Variants in RAB38 observed in about 807,000 individuals in gnomAD.
The protein encoded by RAB38 is RAB38, member RAS oncogene family, also known as ras-related protein Rab-38.
A neutral mutation model predicts 18.4 loss-of-function variants in RAB38; 15 were observed. The observed-to-expected ratio is 0.82, with a 90% CI of 0.55 to 1.26. The LOEUF (loss-of-function observed/expected upper bound fraction) is 1.26. Among genes scored for constraint, RAB38 ranks in the 50% most tolerant of loss-of-function variants. The pLI is 0.00. For synonymous variants in RAB38, 101 were observed against 104.4 expected, an observed-to-expected ratio of 0.97 and a Z score of 0.20; for missense variants, 294 against 267.4, an observed-to-expected ratio of 1.10 and a Z score of -0.69.
chr11:88,105,156 ATACACCTTCCTCTAT>A, the RAB38 span, among the ~76,000 whole-genome samples: 2 of 152,144 alleles, frequency 1.3e-5, no homozygotes, highest in Non-Finnish European at 2.9e-5. Flanking sequence ...ATAAATTAAT[ATACACCTTCCTCTAT>A]TACACCTTCC....
At chr11:87,820,320 T>C in the RAB38 span, among the ~76,000 whole-genome samples, 1 of 152,188 alleles carries the variant, frequency 6.6e-6, no homozygotes, top group African/African-American at 2.4e-5. Context: ...TAAGGACCTC[T>C]TCAATATAAG....
chr11:87,949,214 TTCTG>T, the RAB38 span, among the ~76,000 whole-genome samples: 1 of 152,214 alleles, frequency 6.6e-6, no homozygotes, highest in Non-Finnish European at 1.5e-5. Flanking sequence ...TAGTTTGTAT[TTCTG>T]TGGGATAGGT....
chr11:88,073,688 T>C, the RAB38 span, among the ~76,000 whole-genome samples: 98 of 151,746 alleles, frequency 6.5e-4, 1 homozygote, highest in Non-Finnish European at 1.0e-3. Context: ...AAGGAACCAA[T>C]GACTGACCCT....
chr11:88,045,511 G>A, the RAB38 span, among the ~76,000 whole-genome samples: 5 of 152,308 alleles, frequency 3.3e-5, no homozygotes, highest in African/African-American at 7.2e-5. Flanking sequence ...CCCGCAGCCC[G>A]GGATTCCTCC....
At chr11:87,914,846 C>T in the RAB38 span, among the ~76,000 whole-genome samples, 1 of 152,256 alleles carries the variant, frequency 6.6e-6, no homozygotes, top group Non-Finnish European at 1.5e-5. Flanking sequence ...TCCAGTGGCC[C>T]CAAGTGTGAC....
At chr11:88,168,966 T>C (rs1224997862) in intron 1 of RAB38, among the ~76,000 whole-genome samples, 3 of 152,186 alleles carry the variant, frequency 2.0e-5, no homozygotes, top group Admixed American at 6.5e-5. Context: ...GTGTAATCTA[T>C]AGCCAATAGA....
the RAB38 span, among the ~76,000 whole-genome samples, chr11:87,959,884 C>A: frequency 6.6e-6 from 1 of 152,100 alleles, no homozygotes; most frequent in Middle Eastern, 3.2e-3. Context: ...GAGCCACAAA[C>A]TTACTCTGGG....
chr11:88,081,089 C>T, the RAB38 span, among the ~76,000 whole-genome samples: 1 of 151,644 alleles, frequency 6.6e-6, no homozygotes, highest in African/African-American at 2.4e-5. Context: ...AACACCACTA[C>T]ACATTAACTA....
At chr11:87,829,145 A>G in the RAB38 span, among the ~76,000 whole-genome samples, 1 of 152,356 alleles carries the variant, frequency 6.6e-6, no homozygotes, top group East Asian at 1.9e-4. Context: ...AGGAGTTGGT[A>G]TTTCTTAAGA....
the RAB38 span, among the ~76,000 whole-genome samples, chr11:87,834,713 G>A: frequency 3.3e-5 from 5 of 152,274 alleles, no homozygotes; most frequent in Admixed American, 3.3e-4. Flanking sequence ...TCAGTTTAGA[G>A]CTCATTGACA....
chr11:87,827,384 A>G, the RAB38 span, among the ~76,000 whole-genome samples: 1 of 151,908 alleles, frequency 6.6e-6, no homozygotes, highest in Non-Finnish European at 1.5e-5. Context: ...CTTTATTGGA[A>G]AGTTTTAAAG....
chr11:88,096,906 A>AG, the RAB38 span, among the ~76,000 whole-genome samples: 5 of 151,796 alleles, frequency 3.3e-5, no homozygotes, highest in Admixed American at 2.6e-4. Context: ...GGAAGGGGCG[A>AG]GGGGGGACTC....
At chr11:87,962,506 G>A in the RAB38 span, among the ~76,000 whole-genome samples, 5 of 145,838 alleles carry the variant, frequency 3.4e-5, no homozygotes, top group African/African-American at 1.2e-4. Context: ...GGGGGCAGGG[G>A]GCAGGGGGGA....
chr11:88,085,540 T>C, the RAB38 span, among the ~76,000 whole-genome samples: 2 of 152,040 alleles, frequency 1.3e-5, no homozygotes, highest in South Asian at 4.1e-4. Context: ...AATATTATGA[T>C]ATGGCCTGAG....
At chr11:87,920,664 G>C in the RAB38 span, among the ~76,000 whole-genome samples, 1 of 151,962 alleles carries the variant, frequency 6.6e-6, no homozygotes. Context: ...TTGGTCTAAA[G>C]TACAGTTTAA....
intron 2 of RAB38, among the ~76,000 whole-genome samples, chr11:88,139,818 T>C (rs980770651): frequency 6.6e-6 from 1 of 152,190 alleles, no homozygotes; most frequent in South Asian, 2.1e-4. Context: ...ATGGAATAGA[T>C]AGAGTGCTAG....
the RAB38 span, among the ~76,000 whole-genome samples, chr11:88,009,547 A>T: frequency 1.1e-4 from 16 of 150,368 alleles, no homozygotes; most frequent in African/African-American, 4.0e-4. Context: ...TTGTAACATG[A>T]TGATAGAGGA....
chr11:87,955,872 TGCACACACAC>T, the RAB38 span, among the ~76,000 whole-genome samples: 4 of 44,276 alleles, frequency 9.0e-5, no homozygotes, highest in Non-Finnish European at 1.9e-4. Flanking sequence ...GCAAACAGTA[TGCACACACAC>T]ACACACACAC....
chr11:87,904,408 A>AG, the RAB38 span, among the ~76,000 whole-genome samples: 1 of 151,844 alleles, frequency 6.6e-6, no homozygotes, highest in African/African-American at 2.4e-5. Flanking sequence ...ATGTTGCTGC[A>AG]AAGGACATGA....
Sources: allele counts gnomAD v4.1 joint callset (sites outside exome capture counted in the v4.1 genomes callset), GRCh38; gene constraint gnomAD v4.1.1; transcripts MANE v1.5; gene names NCBI Gene and HGNC (gene_info 2026-07-23, HGNC 2026-07-21).